The following POU2AF1 variants were observed in gnomAD, a reference collection of about 807,000 sequenced individuals.
POU2AF1 encodes the protein POU domain class 2-associating factor 1.
POU2AF1 carries 12 observed loss-of-function variants against 26.3 expected under a neutral mutation model. The observed-to-expected ratio is 0.46, with a 90% CI of 0.29 to 0.74. The LOEUF is 0.74. Ranked by LOEUF, POU2AF1 falls within the 30% of genes least tolerant of loss-of-function variation. The pLI, the probability that POU2AF1 is intolerant of heterozygous loss-of-function variation, is 0.09. For missense variants in POU2AF1, 297 were observed against 334.5 expected, an observed-to-expected ratio of 0.89 and a Z score of 0.87; for synonymous variants, 175 against 148.0, an observed-to-expected ratio of 1.18 and a Z score of -1.32.
At chr11:111,376,169 AT>A (rs1861307327) in intron 1 of POU2AF1, among the ~76,000 whole-genome samples, 3 of 152,228 alleles carry the variant, frequency 2.0e-5, no homozygotes, top group Admixed American at 2.0e-4. Flanking sequence ...ACTTGCTATC[AT>A]TTTACCTACA....
At chr11:111,365,120 C>T (rs1222195828) in intron 1 of POU2AF1, among the ~76,000 whole-genome samples, 1 of 152,188 alleles carries the variant, frequency 6.6e-6, no homozygotes, top group East Asian at 1.9e-4. Context: ...TGGGGTCAGA[C>T]CCAACTGCCC....
At chr11:111,370,312 T>G (rs1861183937) in intron 1 of POU2AF1, among the ~76,000 whole-genome samples, 1 of 152,076 alleles carries the variant, frequency 6.6e-6, no homozygotes, top group South Asian at 2.1e-4. Context: ...ACTTGGTCAG[T>G]TTTTTAGGAA....
intron 1 of POU2AF1, among the ~76,000 whole-genome samples, chr11:111,370,594 C>G (rs527576784): frequency 6.6e-6 from 1 of 152,258 alleles, no homozygotes; most frequent in African/African-American, 2.4e-5. Flanking sequence ...CATGAGCAAT[C>G]AGAGCTCCAG....
intron 4 of POU2AF1, among the ~76,000 whole-genome samples, chr11:111,356,994 T>G (rs773237340): frequency 6.6e-6 from 1 of 152,224 alleles, no homozygotes; most frequent in Non-Finnish European, 1.5e-5. Flanking sequence ...ATCAAAAATA[T>G]CACCTGTTGT....
At chr11:111,378,655 A>T (rs1591209881) in intron 1 of POU2AF1, among the ~76,000 whole-genome samples, 1 of 139,060 alleles carries the variant, frequency 7.2e-6, no homozygotes, top group South Asian at 2.5e-4. Flanking sequence ...CCAGATCTCC[A>T]CTCCTCCCAG....
At chr11:111,376,523 G>C (rs1422336682) in intron 1 of POU2AF1, among the ~76,000 whole-genome samples, 1 of 152,222 alleles carries the variant, frequency 6.6e-6, no homozygotes, top group East Asian at 1.9e-4. Context: ...TGTGCCAGCA[G>C]TTCTGGGCTT....
intron 1 of POU2AF1, among the ~76,000 whole-genome samples, chr11:111,370,034 G>A (rs1861178557): frequency 6.6e-6 from 1 of 152,186 alleles, no homozygotes; most frequent in Admixed American, 6.5e-5. Context: ...CTTGGAGAAT[G>A]GACTCTTCAG....
chr11:111,355,855 T>C (rs1860834985), intron 4 of POU2AF1, among the ~76,000 whole-genome samples: 1 of 152,064 alleles, frequency 6.6e-6, no homozygotes, highest in Admixed American at 6.6e-5. Flanking sequence ...AAGCCAGTGG[T>C]CCCCATCCCA....
At chr11:111,363,513 C>A (rs1861049991) in intron 1 of POU2AF1, 1 of 994,364 alleles carries the variant, frequency 1.0e-6, no homozygotes, top group Middle Eastern at 4.9e-4. Flanking sequence ...GAGAACTGAG[C>A]CCACAAATAC....
At chr11:111,376,119 C>T (rs531892439) in intron 1 of POU2AF1, among the ~76,000 whole-genome samples, 27 of 152,268 alleles carry the variant, frequency 1.8e-4, no homozygotes, top group East Asian at 1.2e-3. Flanking sequence ...GTTTCCAGGA[C>T]GGAAGGTACT....
At chr11:111,375,634 C>T (rs1330652814) in intron 1 of POU2AF1, among the ~76,000 whole-genome samples, 3 of 152,000 alleles carry the variant, frequency 2.0e-5, no homozygotes, top group African/African-American at 4.8e-5. Context: ...CTCCTGACCT[C>T]GTGATCTGCC....
At chr11:111,377,399 A>G (rs1366895136) in intron 1 of POU2AF1, among the ~76,000 whole-genome samples, 1 of 152,064 alleles carries the variant, frequency 6.6e-6, no homozygotes, top group African/African-American at 2.4e-5. Flanking sequence ...ACAAACAAAC[A>G]AAAAAAGTCT....
chr11:111,371,008 C>A (rs1222668059), intron 1 of POU2AF1, among the ~76,000 whole-genome samples: 3 of 152,174 alleles, frequency 2.0e-5, no homozygotes, highest in Non-Finnish European at 4.4e-5. Flanking sequence ...CCTTTCCTTC[C>A]TGAATTGGTG....
chr11:111,368,915 A>G (rs1861156711), intron 1 of POU2AF1, among the ~76,000 whole-genome samples: 1 of 152,242 alleles, frequency 6.6e-6, no homozygotes, highest in African/African-American at 2.4e-5. Flanking sequence ...ATCTCAGCCA[A>G]CAATCCATGG....
chr11:111,367,953 G>T (rs1861136625), intron 1 of POU2AF1, among the ~76,000 whole-genome samples: 3 of 152,326 alleles, frequency 2.0e-5, no homozygotes, highest in African/African-American at 7.2e-5. Context: ...AGGGTTCGCA[G>T]ATACACTGTG....
intron 1 of POU2AF1, chr11:111,359,171 G>A (rs535924434): frequency 3.5e-5 from 21 of 599,460 alleles, no homozygotes; most frequent in African/African-American, 2.4e-4. Context: ...AATGAGATCC[G>A]AACCCATTTT....
chr11:111,376,831 C>G (rs1346374043), intron 1 of POU2AF1, among the ~76,000 whole-genome samples: 2 of 152,074 alleles, frequency 1.3e-5, no homozygotes, highest in South Asian at 4.1e-4. Context: ...GTTTAGTCAC[C>G]CAGGTGCCCT....
chr11:111,354,789 T>TA (rs1860811620), intron 4 of POU2AF1, among the ~76,000 whole-genome samples: 1 of 152,166 alleles, frequency 6.6e-6, no homozygotes, highest in African/African-American at 2.4e-5. Context: ...TTCCTAGCTA[T>TA]ATGTCTTTGC....
At chr11:111,362,533 G>A (rs1239090805) in intron 1 of POU2AF1, among the ~76,000 whole-genome samples, 1 of 152,122 alleles carries the variant, frequency 6.6e-6, no homozygotes, top group East Asian at 1.9e-4. Context: ...GTGTGAATTT[G>A]TAGTTCCCAC....
Sources: gnomAD v4.1 joint callset for allele counts (sites outside exome capture counted in the v4.1 genomes callset) on GRCh38, gnomAD v4.1.1 for gene constraint, MANE v1.5 for transcripts, NCBI Gene and HGNC (gene_info 2026-07-23, HGNC 2026-07-21) for gene names.